The following NXPH1 variants were observed in gnomAD, a reference collection of about 807,000 sequenced individuals.
NXPH1 encodes neurexophilin 1.
A neutral mutation model predicts 23.7 loss-of-function variants in NXPH1; 5 were observed. That is an observed-to-expected ratio of 0.21 (90% confidence interval 0.11 to 0.44). The LOEUF is 0.44. Ranked by LOEUF, NXPH1 falls within the 20% of genes least tolerant of loss-of-function variation. The pLI is 0.99. For synonymous variants in NXPH1, 144 were observed against 122.2 expected (o/e 1.18, Z -1.18); for missense variants, 324 against 321.6 (o/e 1.01, Z -0.06).
intron 2 of NXPH1, among the ~76,000 whole-genome samples, chr7:8,578,125 G>T (rs549472604): frequency 3.3e-4 from 50 of 152,268 alleles, no homozygotes; most frequent in African/African-American, 1.2e-3. Context: ...TTGTTACACT[G>T]CAGTAGACTC....
intron 2 of NXPH1, among the ~76,000 whole-genome samples, chr7:8,702,699 C>G (rs926594681): frequency 2.6e-5 from 4 of 151,800 alleles, no homozygotes; most frequent in Non-Finnish European, 4.4e-5. Flanking sequence ...AGTGCTTTCA[C>G]CTACATTATG....
intron 2 of NXPH1, among the ~76,000 whole-genome samples, chr7:8,564,030 A>G (rs909381586): frequency 6.6e-6 from 1 of 151,832 alleles, no homozygotes; most frequent in African/African-American, 2.4e-5. Context: ...TGCCTCTCTC[A>G]GTTCCATTGC....
intron 2 of NXPH1, among the ~76,000 whole-genome samples, chr7:8,484,439 A>G (rs941600807): frequency 1.3e-5 from 2 of 152,074 alleles, no homozygotes; most frequent in Admixed American, 1.3e-4. Context: ...CTGTCAAAGG[A>G]TATGTAATTT....
chr7:8,443,234 C>A (rs548053787), intron 2 of NXPH1, among the ~76,000 whole-genome samples: 2 of 152,356 alleles, frequency 1.3e-5, no homozygotes, highest in African/African-American at 4.8e-5. Context: ...TCCATTACCA[C>A]ACTCAGTGGT....
intron 2 of NXPH1, among the ~76,000 whole-genome samples, chr7:8,556,215 C>T (rs1430195992): frequency 6.6e-6 from 1 of 151,618 alleles, no homozygotes; most frequent in Non-Finnish European, 1.5e-5. Context: ...AGAGTGATTA[C>T]ATAGAGTGTG....
Position 8,435,390 on chromosome 7 carries a change from A to AC in NXPH1, c.-110-211dup. ...GAGCGCAGGGGGCAAGGAGCCCCTCACCCTCCCTCTCGTCCGCCCGCCCGC... is the reference window on the plus strand; with the variant it reads ...GAGCGCAGGGGGCAAGGAGCCCCTCACCCCTCCCTCTCGTCCGCCCGCCCGC... On this transcript the variant is annotated intron_variant, in intron 1 of 2. Transcript: ENST00000405863. This position sits in a 1 kb window ranked among gnomAD's most constrained non-coding sequence, Gnocchi z 5.9. 2.3e-6 allele frequency: 1 copy of AC among 444,340 alleles called. No individual in the cohort carries two copies. Among genetic ancestry groups the AC allele is most frequent in the Non-Finnish European group, 4.1e-6 (1 of 244,912 alleles). 27.5% of individuals were successfully genotyped at this position (444,340 alleles called of 1,614,324 possible).
intron 2 of NXPH1, among the ~76,000 whole-genome samples, chr7:8,592,826 CTT>C (rs536236220): frequency 5.6e-5 from 8 of 142,814 alleles, no homozygotes; most frequent in East Asian, 4.1e-4. Flanking sequence ...GTGAAATAGT[CTT>C]TTTTTTTTTT....
intron 2 of NXPH1, among the ~76,000 whole-genome samples, chr7:8,683,913 A>T (rs1821098722): frequency 6.6e-6 from 1 of 152,180 alleles, no homozygotes; most frequent in Non-Finnish European, 1.5e-5. Flanking sequence ...TAATTATAAG[A>T]ATTCAGACTA....
At chr7:8,574,542 A>G (rs1487273393) in intron 2 of NXPH1, among the ~76,000 whole-genome samples, 1 of 152,198 alleles carries the variant, frequency 6.6e-6, no homozygotes, top group Non-Finnish European at 1.5e-5. Flanking sequence ...ACATGAGTGC[A>G]TACCCACAAA....
intron 2 of NXPH1, among the ~76,000 whole-genome samples, chr7:8,658,413 G>T (rs1337612399): frequency 1.3e-5 from 2 of 152,078 alleles, no homozygotes; most frequent in South Asian, 4.1e-4. Flanking sequence ...AGTTTCCCTT[G>T]GTTCACAACT....
chr7:8,587,493 T>C (rs982015211), intron 2 of NXPH1, among the ~76,000 whole-genome samples: 1 of 152,122 alleles, frequency 6.6e-6, no homozygotes, highest in Non-Finnish European at 1.5e-5. Context: ...AGATAATCTT[T>C]TTAAAATTAT....
intron 2 of NXPH1, among the ~76,000 whole-genome samples, chr7:8,524,241 C>CAAAAA (rs34744233): frequency 1.4e-4 from 10 of 73,714 alleles, no homozygotes; most frequent in Admixed American, 3.5e-4. Flanking sequence ...GACTCTGTCT[C>CAAAAA]AAAAAAAAAA....
chr7:8,722,661 T>C (rs1779988247), intron 2 of NXPH1, among the ~76,000 whole-genome samples: 1 of 152,200 alleles, frequency 6.6e-6, no homozygotes, highest in Non-Finnish European at 1.5e-5. Flanking sequence ...AGTGATTTGG[T>C]GATTTCCAGA....
intron 2 of NXPH1, among the ~76,000 whole-genome samples, chr7:8,569,390 G>T (rs149815379): frequency 9.3e-4 from 142 of 151,908 alleles, no homozygotes; most frequent in African/African-American, 3.0e-3. Context: ...GATAATCAAG[G>T]AAAAATAGAC....
chr7:8,666,293 A>G (rs909759175), intron 2 of NXPH1, among the ~76,000 whole-genome samples: 1 of 152,020 alleles, frequency 6.6e-6, no homozygotes, highest in Non-Finnish European at 1.5e-5. Flanking sequence ...GCTTCTATTG[A>G]TATGATCATA....
intron 2 of NXPH1, among the ~76,000 whole-genome samples, chr7:8,619,129 C>T (rs948436519): frequency 6.6e-6 from 1 of 152,138 alleles, no homozygotes; most frequent in Non-Finnish European, 1.5e-5. Flanking sequence ...ATTATGTCTG[C>T]CCTGGTACCC....
At chr7:8,548,457 T>C (rs1415867047) in intron 2 of NXPH1, among the ~76,000 whole-genome samples, 1 of 151,548 alleles carries the variant, frequency 6.6e-6, no homozygotes, top group Non-Finnish European at 1.5e-5. Flanking sequence ...CAAAACTCTT[T>C]GACTTAGTTA....
chr7:8,529,132 T>G (rs1817911477), intron 2 of NXPH1, among the ~76,000 whole-genome samples: 1 of 152,258 alleles, frequency 6.6e-6, no homozygotes, highest in Non-Finnish European at 1.5e-5. Context: ...ACCCTGGTTG[T>G]CTCTCTGATG....
intron 2 of NXPH1, among the ~76,000 whole-genome samples, chr7:8,703,336 G>T (rs57577517): frequency 0.32 from 48,953 of 151,910 alleles, 8,173 homozygotes; most frequent in East Asian, 0.45. Context: ...TTCCATTCAT[G>T]CTTTCTCAGT....
Sources: allele counts gnomAD v4.1 joint callset (sites outside exome capture counted in the v4.1 genomes callset), GRCh38; gene constraint gnomAD v4.1.1; non-coding constraint Gnocchi (gnomAD v3.1); transcripts MANE v1.5; gene names NCBI Gene and HGNC (gene_info 2026-07-23, HGNC 2026-07-21).